CTTNBP2: variants seen among roughly 807,000 people sequenced by gnomAD.
CTTNBP2 encodes cortactin binding protein 2, also known as cortactin-binding protein 2.
Under a neutral mutation model 156.9 loss-of-function variants are expected in CTTNBP2, and 108 were observed. The observed-to-expected ratio is 0.69, with a 90% confidence interval of 0.59 to 0.81. CTTNBP2 has a LOEUF of 0.81. Among genes scored for constraint, CTTNBP2 ranks in the 30% least tolerant of loss-of-function variants. The pLI is 0.00. For missense variants in CTTNBP2, 1,924 were observed against 2,035.4 expected (o/e 0.95, Z 1.05); for synonymous variants, 767 against 751.8 (o/e 1.02, Z -0.33).
intron 22 of CTTNBP2, among the ~76,000 whole-genome samples, chr7:117,715,554 A>G (rs1794305586): frequency 6.6e-6 from 1 of 150,874 alleles, no homozygotes; most frequent in African/African-American, 2.4e-5. Flanking sequence ...TCAGAGGATT[A>G]GTTTGGATTT....
In CTTNBP2 at chr7:117,711,510, T is replaced by C. The variant is rs1562940684; in HGVS notation, c.*27A>G. The C allele has an allele frequency of 6.3e-7, 1 of 1,592,302 alleles. No individual in the cohort carries two copies. Among genetic ancestry groups the C allele is most frequent in the Non-Finnish European group, 8.5e-7 (1 of 1,171,220 alleles). On this transcript the variant is annotated 3_prime_UTR_variant, in exon 23 of 23. Transcript: ENST00000160373. ...TGGTTTCTGTGTGAAATAGAGGAAG[T>C]TAATAATGAGAATATTGTAGGCAGG...
At chr7:117,814,072 G>A (rs866976891) in intron 2 of CTTNBP2, among the ~76,000 whole-genome samples, 12 of 152,220 alleles carry the variant, frequency 7.9e-5, no homozygotes, top group Middle Eastern at 3.4e-3. Context: ...TACAGTACTT[G>A]TAACACTAAT....
At chr7:117,776,678 G>C (rs1477303919) in intron 8 of CTTNBP2, among the ~76,000 whole-genome samples, 1 of 152,164 alleles carries the variant, frequency 6.6e-6, no homozygotes, top group Non-Finnish European at 1.5e-5. Flanking sequence ...CCATGCCTGA[G>C]CCTAACATTC....
intron 8 of CTTNBP2, among the ~76,000 whole-genome samples, chr7:117,775,306 A>G (rs1345391226): frequency 6.6e-6 from 1 of 152,116 alleles, no homozygotes; most frequent in Non-Finnish European, 1.5e-5. Context: ...AACACAGGAG[A>G]GTCATAGTCT....
At chr7:117,788,694 T>G (rs1359111137) in intron 4 of CTTNBP2, among the ~76,000 whole-genome samples, 1 of 152,128 alleles carries the variant, frequency 6.6e-6, no homozygotes, top group Non-Finnish European at 1.5e-5. Flanking sequence ...TGAACTACAT[T>G]TATACTTGAG....
At chr7:117,747,902 T>C (rs934647589) in intron 12 of CTTNBP2, among the ~76,000 whole-genome samples, 7 of 152,192 alleles carry the variant, frequency 4.6e-5, no homozygotes, top group African/African-American at 1.7e-4. Flanking sequence ...AAGAGGGCAG[T>C]GGTCCTTTAA....
At position 117,711,600 on chromosome 7, in the gene CTTNBP2, G is replaced by C. The variant is rs772964582; in HGVS notation, c.4929C>G (p.Asn1643Lys). Residue 1643 changes from asparagine to lysine, a missense_variant, in exon 23 of 23, where the codon AAC becomes AAG. Physicochemically the swap from Asn to Lys is moderately conservative, Grantham distance 94 (BLOSUM62 0). Transcript: ENST00000160373. ...AGTTCCAATTCACTTCTTTTGAGTTGTTGTTGATTTCTATTTGCCTTGTAT... is the reference window on the plus strand; with the variant it reads ...AGTTCCAATTCACTTCTTTTGAGTTCTTGTTGATTTCTATTTGCCTTGTAT... ...SSNTRQIEIN[N>K]NSKEVNWNLH... The C allele has an allele frequency of 5.1e-5, 82 of 1,613,790 alleles. No homozygotes were observed. The highest frequency in any genetic ancestry group is 6.9e-5 in the Non-Finnish European group (82 of 1,179,888).
chr7:117,741,428 A>G (rs1436690979), intron 14 of CTTNBP2, among the ~76,000 whole-genome samples: 1 of 152,224 alleles, frequency 6.6e-6, no homozygotes, highest in Admixed American at 6.5e-5. Flanking sequence ...TAAGCTACAT[A>G]CAGAATAAAA....
intron 3 of CTTNBP2, among the ~76,000 whole-genome samples, chr7:117,803,617 G>A (rs1799755804): frequency 6.6e-6 from 1 of 152,130 alleles, no homozygotes; most frequent in Non-Finnish European, 1.5e-5. Flanking sequence ...ACTTTTTTAT[G>A]TATTAAGGGA....
intron 2 of CTTNBP2, among the ~76,000 whole-genome samples, chr7:117,858,008 C>T (rs990130109): frequency 6.6e-6 from 1 of 152,170 alleles, no homozygotes; most frequent in East Asian, 1.9e-4. Context: ...ACATTATTAC[C>T]TACTGTAAAA....
intron 16 of CTTNBP2, among the ~76,000 whole-genome samples, chr7:117,731,115 T>C (rs961632938): frequency 9.2e-5 from 14 of 152,212 alleles, no homozygotes; most frequent in Non-Finnish European, 7.3e-5. Context: ...TTTCTGGTTT[T>C]ACAAGAGTTA....
At chr7:117,822,067 A>C (rs1441668377) in intron 2 of CTTNBP2, among the ~76,000 whole-genome samples, 1 of 152,164 alleles carries the variant, frequency 6.6e-6, no homozygotes, top group African/African-American at 2.4e-5. Context: ...TAGTGAACTC[A>C]ATTTTTAAAA....
chr7:117,757,753 G>A, intron 11 of CTTNBP2, 122 bp downstream of exon 11: 1 of 602,700 alleles, frequency 1.7e-6, no homozygotes, highest in East Asian at 2.9e-5. Context: ...ACCTAGTGGT[G>A]GAACTCACAT....
At chr7:117,751,606 G>A (rs867662566) in intron 12 of CTTNBP2, among the ~76,000 whole-genome samples, 12 of 152,070 alleles carry the variant, frequency 7.9e-5, no homozygotes, top group Non-Finnish European at 1.2e-4. Flanking sequence ...AATTCTTCAC[G>A]GTAGAAAGCA....
chr7:117,774,909 A>AT (rs983494770), intron 8 of CTTNBP2, among the ~76,000 whole-genome samples: 93 of 152,242 alleles, frequency 6.1e-4, no homozygotes, highest in African/African-American at 2.1e-3. Flanking sequence ...TCAGAGCCGT[A>AT]TTTTTTTCAG....
chr7:117,739,694 C>A (rs1456857151), intron 14 of CTTNBP2, among the ~76,000 whole-genome samples: 1 of 152,206 alleles, frequency 6.6e-6, no homozygotes, highest in African/African-American at 2.4e-5. Flanking sequence ...ATTATCTCCC[C>A]TTTCAGGACA....
chr7:117,768,581 A>AAG (rs1554419706), intron 8 of CTTNBP2, among the ~76,000 whole-genome samples: 1 of 99,110 alleles, frequency 1.0e-5, no homozygotes. Flanking sequence ...AAAAAAAAAA[A>AAG]AAAGAAAGAA....
At chr7:117,851,054 C>A (rs1584549040) in intron 2 of CTTNBP2, among the ~76,000 whole-genome samples, 3 of 152,234 alleles carry the variant, frequency 2.0e-5, no homozygotes, top group Admixed American at 2.0e-4. Flanking sequence ...AAAGTTTCTA[C>A]CCTGACACAG....
chr7:117,765,610 T>C (rs1396531145), intron 9 of CTTNBP2, among the ~76,000 whole-genome samples: 4 of 152,190 alleles, frequency 2.6e-5, no homozygotes, highest in Admixed American at 6.5e-5. Context: ...AGGTCTCCCA[T>C]ATCAGTCTTT....
Sources: allele counts gnomAD v4.1 joint callset (sites outside exome capture counted in the v4.1 genomes callset), GRCh38; gene constraint gnomAD v4.1.1; transcripts MANE v1.5; gene names NCBI Gene and HGNC (gene_info 2026-07-23, HGNC 2026-07-21).